Variants in NIF3L1 observed in about 807,000 individuals in gnomAD.
NIF3L1 encodes the protein NIF3-like protein 1.
Under a neutral mutation model 35.0 loss-of-function variants are expected in NIF3L1, and 26 were observed. That is an observed-to-expected ratio of 0.74 (90% CI 0.54 to 1.03). The LOEUF is 1.03. NIF3L1 is among the 50% of genes least tolerant of loss of function. The probability of loss-of-function intolerance (pLI) is 0.00; values close to 1 mark genes in which losing one functional copy is unlikely to be tolerated. For synonymous variants in NIF3L1, 157 were observed against 178.9 expected, an observed-to-expected ratio of 0.88 and a Z score of 0.98; for missense variants, 449 against 466.3, an observed-to-expected ratio of 0.96 and a Z score of 0.34.
intron 4 of NIF3L1, among the ~76,000 whole-genome samples, chr2:200,896,716 C>G (rs888824123): frequency 7.9e-5 from 12 of 152,172 alleles, no homozygotes; most frequent in African/African-American, 2.2e-4. Flanking sequence ...TCCCAAGTAG[C>G]TGGGACTGCA....
chr2:200,897,047 C>T lies in NIF3L1; in HGVS notation c.727-29C>T, dbSNP rs2040328892. 11 of 1,610,672 alleles carry T rather than the reference C, an allele frequency of 6.8e-6. No individual in the cohort carries two copies. The East Asian group carries it at 1.8e-4, about 26-fold the overall frequency. On this transcript the variant is annotated intron_variant, in intron 4 of 6. Transcript: ENST00000409020. ...TTGTTGTTTTAGGACTAACAATGCA[C>T]ACCGTTTCTAACTTCTGTTTCTCCT... is the stretch of plus-strand genomic sequence containing the variant.
At chr2:200,897,239 C>G (rs1044915976) in intron 5 of NIF3L1, 25 bp downstream of exon 5, 2 of 1,609,330 alleles carry the variant, frequency 1.2e-6, no homozygotes, top group Non-Finnish European at 1.7e-6. Flanking sequence ...TTCATCTATC[C>G]AGTATGCCTA....
Position 200,892,025 on chromosome 2 carries a change from A to C in NIF3L1, c.82A>C (p.Met28Leu), listed in dbSNP as rs202006654. The change falls in exon 2 of 7, where the codon ATG becomes CTG. Residue 28 changes from methionine to leucine, a missense_variant. By Grantham distance (15) the Met-to-Leu change is conservative. Coordinates refer to ENST00000409020, the MANE Select transcript of NIF3L1 (RefSeq NM_001369441.2). Reference sequence around the variant, plus strand: ...GATCTGCAATTCTTCCCGTTCCTTCATGGATTTGAAGGCTCTCCTTTCTTC... The same window carrying C: ...GATCTGCAATTCTTCCCGTTCCTTCCTGGATTTGAAGGCTCTCCTTTCTTC... ...SLICNSSRSF[M>L]DLKALLSSLN... The C allele has an allele frequency of 1.8e-5, 29 of 1,613,988 alleles. No homozygotes were observed. Among genetic ancestry groups the C allele is most frequent in the Non-Finnish European group, 2.1e-5 (25 of 1,180,010 alleles).
At chr2:200,890,876 C>T (rs2040170513) in intron 1 of NIF3L1, among the ~76,000 whole-genome samples, 1 of 152,124 alleles carries the variant, frequency 6.6e-6, no homozygotes, top group African/African-American at 2.4e-5. Context: ...CTGCCTTGAC[C>T]CTGCCCATTT....
At chr2:200,893,508 T>C in intron 3 of NIF3L1, 100 bp downstream of exon 3, 1 of 1,151,228 alleles carries the variant, frequency 8.7e-7, no homozygotes, top group Non-Finnish European at 1.2e-6. Flanking sequence ...CAAATAGTTT[T>C]CTCTGGAGTT....
chr2:200,892,140 C>G lies in NIF3L1; in HGVS notation c.197C>G (p.Thr66Arg), dbSNP rs772816998. The change falls in exon 2 of 7, where the codon ACA becomes AGA. Residue 66 changes from threonine (T) to arginine (R), a missense_variant. Thr to Arg is a moderately conservative substitution (Grantham distance 71). Coordinates refer to ENST00000409020, the MANE Select transcript of NIF3L1 (RefSeq NM_001369441.2). ...CCAAGCCCACCACATACTGTAAATA[C>G]ACTCTTCCTGACCAATGACCTGACT... ...VEPSPPHTVN[T>R]LFLTNDLTEE... is the part of the protein sequence containing the mutation. 2.5e-6 allele frequency: 4 copies of G among 1,614,064 alleles called. No homozygotes were observed. The highest frequency in any genetic ancestry group is 3.4e-6 in the Non-Finnish European group (4 of 1,180,036).
chr2:200,892,248 G>T lies in NIF3L1; in HGVS notation c.305G>T (p.Arg102Leu). 1 of 1,614,118 alleles carries T rather than the reference G, an allele frequency of 6.2e-7. No individual in the cohort carries two copies. The highest frequency in any genetic ancestry group is 1.1e-5 in the South Asian group (1 of 91,086). Residue 102 changes from arginine to leucine, a missense_variant, in exon 2 of 7, where the codon CGC (arginine) becomes CTC (leucine). Physicochemically the swap from Arg to Leu is moderately radical, Grantham distance 102 (BLOSUM62 -2). Coordinates refer to ENST00000409020, the MANE Select transcript of NIF3L1 (RefSeq NM_001369441.2). ...YHPPIFRPMK[R>L]ITWNTWKERL... ...CCGCCTATCTTCCGACCCATGAAGC[G>T]CATAACCTGGAACACATGGAAGGAG...
intron 6 of NIF3L1, among the ~76,000 whole-genome samples, 179 bp from the exon 7 acceptor site, chr2:200,903,311 CTTTT>C (rs796342234): frequency 1.6e-4 from 25 of 152,266 alleles, no homozygotes; most frequent in African/African-American, 6.0e-4. Flanking sequence ...ACTTTTCTCT[CTTTT>C]TAAGTTGGAG....
In NIF3L1 at chr2:200,903,643, T is replaced by TCAGA; in HGVS notation, c.1100_1103dup (p.Glu368AspfsTer4). 6.2e-7 allele frequency: 1 copy of TCAGA among 1,613,954 alleles called. No homozygotes were observed. Among genetic ancestry groups the TCAGA allele is most frequent in the Non-Finnish European group, 8.5e-7 (1 of 1,179,814 alleles). On this transcript the variant is annotated frameshift_variant, in exon 7 of 7. Transcript: ENST00000409020. LOFTEE classifies it high-confidence loss of function. Reference sequence around the variant, plus strand: ...GGAGAATAAGATAAATATTATCCTATCAGAGACTGACAGGGACCCTCTTCA... The same window carrying TCAGA: ...GGAGAATAAGATAAATATTATCCTATCAGACAGAGACTGACAGGGACCCTCTTCA...
Sources: gnomAD v4.1 joint callset for allele counts (sites outside exome capture counted in the v4.1 genomes callset) on GRCh38, gnomAD v4.1.1 for gene constraint, MANE v1.5 for transcripts, NCBI Gene and HGNC (gene_info 2026-07-23, HGNC 2026-07-21) for gene names.